CCDC15: variants seen among roughly 807,000 people sequenced by gnomAD.
The protein encoded by CCDC15 is coiled-coil domain-containing protein 15.
A neutral mutation model predicts 114.5 loss-of-function variants in CCDC15; 105 were observed. That is an observed-to-expected ratio of 0.92 (90% confidence interval 0.78 to 1.08). The LOEUF is 1.08. Ranked by LOEUF, CCDC15 falls within the 50% of genes least tolerant of loss-of-function variation. The probability of loss-of-function intolerance (pLI) is 0.00; values close to 1 mark genes in which losing one functional copy is unlikely to be tolerated. For missense variants in CCDC15, 1,105 were observed against 1,093.6 expected (o/e 1.01, Z -0.15); for synonymous variants, 334 against 377.8 (o/e 0.88, Z 1.34).
chr11:125,030,970 G>A lies in CCDC15; in HGVS notation c.2412-7461G>A, dbSNP rs150391996. ...AGGTTTTTACCCCTCAGAGAGGTCC[G>A]TCCACATAACTCTTCCCCAGATTTC... On this transcript the variant is annotated intron_variant, in intron 13 of 15. Coordinates refer to ENST00000344762, the MANE Select transcript of CCDC15 (RefSeq NM_025004.3). 4.6e-3 allele frequency among the ~76,000 whole-genome samples: 697 copies of A among 152,292 alleles called. 5 individuals carry two copies. Among genetic ancestry groups the A allele is most frequent in the African/African-American group, 0.016 (668 of 41,552 alleles).
intron 13 of CCDC15, among the ~76,000 whole-genome samples, chr11:125,020,703 G>A (rs575293502): frequency 6.6e-6 from 1 of 152,010 alleles, no homozygotes; most frequent in African/African-American, 2.4e-5. Context: ...TTGACATATT[G>A]ATTTCTGACC....
chr11:124,999,818 T>G (rs1307294845), intron 11 of CCDC15, among the ~76,000 whole-genome samples: 2 of 151,668 alleles, frequency 1.3e-5, no homozygotes, highest in East Asian at 3.9e-4. Context: ...CTTCCTGCTT[T>G]CTTCTATGTC....
At chr11:124,978,988 A>T (rs1948022462) in intron 6 of CCDC15, among the ~76,000 whole-genome samples, 1 of 152,186 alleles carries the variant, frequency 6.6e-6, no homozygotes, top group Non-Finnish European at 1.5e-5. Context: ...GGCATAAGGA[A>T]TGAGTCCAGT....
intron 13 of CCDC15, among the ~76,000 whole-genome samples, chr11:125,030,522 C>G (rs1480275538): frequency 6.6e-6 from 1 of 152,166 alleles, no homozygotes. Context: ...GCAGGATAGG[C>G]AAACCCATAT....
Position 124,958,978 on chromosome 11 carries a change from A to G in CCDC15, c.178-137A>G, listed in dbSNP as rs116535808. On this transcript the variant is annotated intron_variant, in intron 2 of 15. Coordinates refer to ENST00000344762, the MANE Select transcript of CCDC15 (RefSeq NM_025004.3). ...AAAATTTAAGATTTGATACTCATAC[A>G]TTCCATTTTTTTTTGTACAGAATGG... is the stretch of plus-strand genomic sequence containing the variant. 5.1e-3 allele frequency: 2,756 copies of G among 537,090 alleles called. 71 individuals are homozygous for G. Among genetic ancestry groups the G allele is most frequent in the African/African-American group, 0.05 (2,485 of 49,682 alleles). The allele number at this position is 537,090 out of a possible 1,614,324, so 33.3% of individuals were successfully genotyped here.
intron 13 of CCDC15, among the ~76,000 whole-genome samples, chr11:125,021,272 G>A (rs1234252515): frequency 6.6e-6 from 1 of 151,710 alleles, no homozygotes; most frequent in African/African-American, 2.4e-5. Flanking sequence ...CAGGAAGGAG[G>A]GAGTGGTTAG....
At chr11:124,981,560 G>A (rs1159975712) in intron 6 of CCDC15, among the ~76,000 whole-genome samples, 1 of 152,052 alleles carries the variant, frequency 6.6e-6, no homozygotes, top group African/African-American at 2.4e-5. Context: ...GGCCAGTCTG[G>A]CCTTCAACTC....
chr11:124,972,151 A>G (rs1947895766), intron 4 of CCDC15, among the ~76,000 whole-genome samples: 1 of 152,110 alleles, frequency 6.6e-6, no homozygotes, highest in African/African-American at 2.4e-5. Flanking sequence ...TTATCTAATT[A>G]TTTATCTAAT....
intron 13 of CCDC15, among the ~76,000 whole-genome samples, chr11:125,018,131 G>A (rs571402804): frequency 2.5e-4 from 38 of 152,108 alleles, no homozygotes; most frequent in African/African-American, 6.7e-4. Context: ...CTTACTACTC[G>A]CTCAGTGACT....
chr11:124,987,335 C>CTGAGCCAGAAGGCCAGGCCAT lies in CCDC15; in HGVS notation c.1126_1146dup (p.Ala376_Gln382dup). 6.2e-7 allele frequency: 1 copy of CTGAGCCAGAAGGCCAGGCCAT among 1,613,786 alleles called. No individual in the cohort carries two copies. Among genetic ancestry groups the CTGAGCCAGAAGGCCAGGCCAT allele is most frequent in the Non-Finnish European group, 8.5e-7 (1 of 1,179,846 alleles). On this transcript the variant is annotated inframe_insertion, in exon 8 of 16. Coordinates refer to ENST00000344762, the MANE Select transcript of CCDC15 (RefSeq NM_025004.3). ...GCTGTTGAAATGAAGGTTCAGGTTA[C>CTGAGCCAGAAGGCCAGGCCAT]TGAGCCAGAAGGCCAGGCCATTGAG...
rs927913055 is a variant in CCDC15, at chr11:124,977,396, T to A, written c.631-82T>A. ...CAAAACCTACTAAGATAATTTTAGA[T>A]CTTTCACAGAAACTCAACTTAGTCT... On this transcript the variant is annotated intron_variant, in intron 5 of 15. Transcript: ENST00000344762. 3.9e-6 allele frequency: 5 copies of A among 1,290,734 alleles called. No homozygotes were observed. The African/African-American group carries it at 6.1e-5, about 16-fold the overall frequency. The allele number at this position is 1,290,734 out of a possible 1,614,324, so 80.0% of individuals were successfully genotyped here.
intron 6 of CCDC15, among the ~76,000 whole-genome samples, chr11:124,985,122 CTG>C (rs914452704): frequency 6.6e-6 from 1 of 152,206 alleles, no homozygotes; most frequent in African/African-American, 2.4e-5. Flanking sequence ...TCTTTTGTGA[CTG>C]TTTTTTCTCT....
intron 2 of CCDC15, among the ~76,000 whole-genome samples, chr11:124,955,910 G>A (rs1947539984): frequency 6.6e-6 from 1 of 152,164 alleles, no homozygotes; most frequent in Admixed American, 6.5e-5. Context: ...CAATCAAGAA[G>A]CTATGACGTT....
At chr11:124,981,614 CTAT>C (rs1215973020) in intron 6 of CCDC15, among the ~76,000 whole-genome samples, 2 of 151,958 alleles carry the variant, frequency 1.3e-5, no homozygotes, top group Non-Finnish European at 2.9e-5. Context: ...AAATCTCCCA[CTAT>C]TATTGTGTGG....
intron 8 of CCDC15, among the ~76,000 whole-genome samples, chr11:124,990,004 T>A (rs1948241670): frequency 6.6e-6 from 1 of 152,218 alleles, no homozygotes; most frequent in South Asian, 2.1e-4. Flanking sequence ...CACAGGGCTG[T>A]TTGGTACAAG....
At chr11:124,976,138 T>A (rs987460090) in intron 5 of CCDC15, among the ~76,000 whole-genome samples, 1 of 150,840 alleles carries the variant, frequency 6.6e-6, no homozygotes, top group Admixed American at 6.6e-5. Flanking sequence ...TTTGCCATCA[T>A]CAACTGCCTC....
chr11:124,973,418 A>G (rs993507002), intron 4 of CCDC15, among the ~76,000 whole-genome samples: 2 of 150,978 alleles, frequency 1.3e-5, no homozygotes, highest in Non-Finnish European at 2.9e-5. Flanking sequence ...CTCTATCTTG[A>G]TTCCCTTTGG....
At chr11:125,013,178 A>T (rs1948606668) in intron 13 of CCDC15, among the ~76,000 whole-genome samples, 1 of 152,168 alleles carries the variant, frequency 6.6e-6, no homozygotes, top group Non-Finnish European at 1.5e-5. Flanking sequence ...TGAGGCAGGG[A>T]TAGTCTAGGG....
chr11:124,977,144 G>A (rs754545593), intron 5 of CCDC15, among the ~76,000 whole-genome samples: 3 of 152,076 alleles, frequency 2.0e-5, no homozygotes, highest in African/African-American at 4.8e-5. Context: ...TTATTGATCC[G>A]GATTTGGAGA....
Sources: gnomAD v4.1 joint callset for allele counts (sites outside exome capture counted in the v4.1 genomes callset) on GRCh38, gnomAD v4.1.1 for gene constraint, MANE v1.5 for transcripts, NCBI Gene and HGNC (gene_info 2026-07-23, HGNC 2026-07-21) for gene names.